The following GABBR2 variants were observed in gnomAD, a reference collection of about 807,000 sequenced individuals.
The protein encoded by GABBR2 is G-protein coupled receptor 51.
A neutral mutation model predicts 105.6 loss-of-function variants in GABBR2; 23 were observed. The observed-to-expected ratio is 0.22, with a 90% confidence interval of 0.16 to 0.31. The LOEUF is 0.31. Among genes scored for constraint, GABBR2 ranks in the 10% least tolerant of loss-of-function variants. GABBR2 has a pLI of 1.00. For synonymous variants in GABBR2, 478 were observed against 499.7 expected, an observed-to-expected ratio of 0.96 and a Z score of 0.58; for missense variants, 734 against 1,245.5, an observed-to-expected ratio of 0.59 and a Z score of 6.18.
chr9:98,631,972 T>C (rs1165301625), intron 1 of GABBR2, among the ~76,000 whole-genome samples: 1 of 152,250 alleles, frequency 6.6e-6, no homozygotes, highest in Non-Finnish European at 1.5e-5. Flanking sequence ...TGAATTAGCC[T>C]GGACAAGAGC....
rs984967637 is a variant in GABBR2 at position 98,631,607 on chromosome 9, T to C, written c.322-53535A>G. Among the ~76,000 whole-genome samples, 7 of 152,360 alleles carry C rather than the reference T, an allele frequency of 4.6e-5. 1 individual carries two copies. The highest frequency in any genetic ancestry group is 5.9e-5 in the Non-Finnish European group (4 of 68,034). ...TACTATGATTCATACTTGAATTTAATAGAGACTCAGTCCACTCTCAATTAG... is the reference window on the plus strand; with the variant it reads ...TACTATGATTCATACTTGAATTTAACAGAGACTCAGTCCACTCTCAATTAG... On this transcript the variant is annotated intron_variant, in intron 1 of 18. Coordinates refer to ENST00000259455, the MANE Select transcript of GABBR2 (RefSeq NM_005458.8).
At chr9:98,378,161 G>C (rs946195475) in intron 11 of GABBR2, among the ~76,000 whole-genome samples, 12 of 152,176 alleles carry the variant, frequency 7.9e-5, no homozygotes, top group Admixed American at 5.9e-4. Flanking sequence ...TTACTGGGAG[G>C]CCAAGTGGGT....
chr9:98,560,468 CACACACACACATAT>C (rs1424174814), intron 2 of GABBR2, among the ~76,000 whole-genome samples: 3 of 132,386 alleles, frequency 2.3e-5, no homozygotes, highest in African/African-American at 8.9e-5. Flanking sequence ...TATACATGCA[CACACACACACATAT>C]ACACACACAC....
Position 98,303,328 on chromosome 9 carries a change from G to A in GABBR2, c.2325C>T (p.Thr775=), listed in dbSNP as rs2131350098. The part of the protein sequence containing the change: ...NQKKEDSKTS[T]SVTSVNQAST... ...TGGCTTGGTTCACACTGGTGACCGA[G>A]GTGGACGTTTTAGAATCTTCTTTCT... The change falls in exon 16 of 19, where the codon ACC becomes ACT. Residue 775 remains threonine, a synonymous_variant. Coordinates refer to ENST00000259455, the MANE Select transcript of GABBR2 (RefSeq NM_005458.8). 6.2e-7 allele frequency: 1 copy of A among 1,614,080 alleles called. No homozygotes were observed. The highest frequency in any genetic ancestry group is 1.1e-5 in the South Asian group (1 of 91,088).
intron 1 of GABBR2, among the ~76,000 whole-genome samples, chr9:98,597,578 C>A (rs1432758286): frequency 6.6e-6 from 1 of 152,080 alleles, no homozygotes; most frequent in Admixed American, 6.5e-5. Flanking sequence ...TGAGGCCAGC[C>A]TGTCTGTGCA....
At chr9:98,487,841 CA>C (rs1353227918) in intron 4 of GABBR2, among the ~76,000 whole-genome samples, 3 of 152,074 alleles carry the variant, frequency 2.0e-5, no homozygotes, top group African/African-American at 7.2e-5. Flanking sequence ...TACGTTATGT[CA>C]CGTGGTAAAG....
intron 5 of GABBR2, among the ~76,000 whole-genome samples, chr9:98,478,334 T>C (rs1184700910): frequency 2.6e-5 from 4 of 152,104 alleles, no homozygotes; most frequent in Non-Finnish European, 5.9e-5. Flanking sequence ...TCAGTCTTGA[T>C]CCAGCGTGAA....
At chr9:98,521,896 T>G (rs2779575) in intron 3 of GABBR2, among the ~76,000 whole-genome samples, 146,546 of 152,264 alleles carry the variant, frequency 0.96, 70,574 homozygotes, top group African/African-American at 0.99. Flanking sequence ...AACAAGGAAT[T>G]CAAGCAAAGA....
chr9:98,328,629 A>C (rs1830966621), intron 13 of GABBR2, among the ~76,000 whole-genome samples: 1 of 152,238 alleles, frequency 6.6e-6, no homozygotes, highest in Non-Finnish European at 1.5e-5. Context: ...ATTAAAAAAG[A>C]ATGAGCAGTG....
chr9:98,697,415 C>T lies in GABBR2; in HGVS notation c.321+11002G>A, dbSNP rs529710540. On this transcript the variant is annotated intron_variant, in intron 1 of 18. Transcript: ENST00000259455. ...CGGAGGCAGGAGAATGGCGTGAACA[C>T]GGGAGGCGGAGTTTGCAGTGAGCGG... Among the ~76,000 whole-genome samples, 506 of 150,840 alleles carry T rather than the reference C, an allele frequency of 3.4e-3. 10 individuals carry two copies. In the East Asian group the frequency reaches 0.04, roughly 12 times the overall value.
In GABBR2 at chr9:98,299,199, C is replaced by T. The variant is rs748894340; in HGVS notation, c.2542+25G>A. ...GTGTTTGAAACCAAGGTCCCTACCA[C>T]ATTCTGGGGCCCTGGCTCTCTTACC... On this transcript the variant is annotated intron_variant, in intron 17 of 18. Coordinates refer to ENST00000259455, the MANE Select transcript of GABBR2 (RefSeq NM_005458.8). The T allele has an allele frequency of 5.0e-6, 8 of 1,609,426 alleles. No homozygotes were observed. The Admixed American group carries it at 6.7e-5, about 13-fold the overall frequency.
At chr9:98,309,181 T>C (rs1830597966) in intron 14 of GABBR2, among the ~76,000 whole-genome samples, 1 of 152,244 alleles carries the variant, frequency 6.6e-6, no homozygotes, top group Non-Finnish European at 1.5e-5. Context: ...CTATTAAATA[T>C]AGCTTTTGTT....
chr9:98,418,549 AC>A (rs1289307383), intron 7 of GABBR2, among the ~76,000 whole-genome samples: 364 of 152,180 alleles, frequency 2.4e-3, no homozygotes, highest in African/African-American at 8.3e-3. Flanking sequence ...AACAACAACA[AC>A]AACAAAAAAA....
chr9:98,559,417 A>T (rs1404012036), intron 2 of GABBR2, among the ~76,000 whole-genome samples: 2 of 152,260 alleles, frequency 1.3e-5, no homozygotes, highest in Non-Finnish European at 2.9e-5. Flanking sequence ...GGCGTGAGCC[A>T]TATGTTTAAT....
At position 98,546,837 on chromosome 9, in the gene GABBR2, T is replaced by C. The variant is rs533786027; in HGVS notation, c.460-4794A>G. Among the ~76,000 whole-genome samples, 5 of 59,354 alleles carry C rather than the reference T, an allele frequency of 8.4e-5. 1 individual carries two copies. In the South Asian group the frequency reaches 2.7e-3, roughly 32 times the overall value. 38.9% of individuals were successfully genotyped at this position (59,354 alleles called of 152,430 possible). A position where few individuals can be genotyped will look rare whatever the true frequency, so the allele number is the denominator to read the frequency against. Reference sequence around the variant, plus strand: ...TTGTTCCCGCTGGTTTTCAACTTTGTATCTATTCTTCTCTATTCTGGCTAT... The same window carrying C: ...TTGTTCCCGCTGGTTTTCAACTTTGCATCTATTCTTCTCTATTCTGGCTAT... On this transcript the variant is annotated intron_variant, in intron 2 of 18. Transcript: ENST00000259455.
intron 4 of GABBR2, among the ~76,000 whole-genome samples, chr9:98,482,958 G>A (rs1225821744): frequency 6.6e-6 from 1 of 151,884 alleles, no homozygotes; most frequent in Non-Finnish European, 1.5e-5. Flanking sequence ...CTCTCCCTGG[G>A]CCACCTAGTT....
intron 7 of GABBR2, among the ~76,000 whole-genome samples, chr9:98,414,238 C>A (rs559413637): frequency 1.3e-5 from 2 of 152,168 alleles, no homozygotes; most frequent in African/African-American, 4.8e-5. Flanking sequence ...CCAAGGAGGG[C>A]CTTTCCAGGA....
chr9:98,301,414 A>G (rs1340210002), intron 16 of GABBR2, among the ~76,000 whole-genome samples: 3 of 152,248 alleles, frequency 2.0e-5, no homozygotes, highest in Non-Finnish European at 4.4e-5. Flanking sequence ...TGTTGGTGCA[A>G]GAGCACAGGA....
At chr9:98,575,483 T>C (rs1000936522) in intron 2 of GABBR2, among the ~76,000 whole-genome samples, 2 of 152,148 alleles carry the variant, frequency 1.3e-5, no homozygotes, top group African/African-American at 2.4e-5. Flanking sequence ...ACAGCTCTAA[T>C]CCTTTTTCAG....
Sources: allele counts gnomAD v4.1 joint callset (sites outside exome capture counted in the v4.1 genomes callset), GRCh38; gene constraint gnomAD v4.1.1; transcripts MANE v1.5; gene names NCBI Gene and HGNC (gene_info 2026-07-23, HGNC 2026-07-21).